The following XPO6 variants were observed in gnomAD, a reference collection of about 807,000 sequenced individuals.
The protein encoded by XPO6 is exportin-6.
Under a neutral mutation model 130.0 loss-of-function variants are expected in XPO6, and 3 were observed. The observed-to-expected ratio is 0.02, with a 90% CI of 0.01 to 0.06. The LOEUF is 0.06. XPO6 is among the 10% of genes least tolerant of loss of function. The probability of loss-of-function intolerance (pLI) is 1.00; values close to 1 mark genes in which losing one functional copy is unlikely to be tolerated. For missense variants in XPO6, 970 were observed against 1,393.0 expected (o/e 0.70, Z 4.83); for synonymous variants, 524 against 548.9 (o/e 0.95, Z 0.63).
At chr16:28,206,143 C>T (rs928546452) in intron 1 of XPO6, among the ~76,000 whole-genome samples, 4 of 148,464 alleles carry the variant, frequency 2.7e-5, no homozygotes, top group African/African-American at 1.0e-4. Flanking sequence ...AAGCAATACA[C>T]ACACACACAC....
chr16:28,155,863 C>T (rs1218447887), intron 7 of XPO6: 3 of 1,282,638 alleles, frequency 2.3e-6, no homozygotes, highest in East Asian at 5.7e-5. Context: ...CTACACAAGG[C>T]ACAAGCATTT....
chr16:28,146,316 T>TC, intron 8 of XPO6, 113 bp from the exon 9 acceptor site: 1 of 864,130 alleles, frequency 1.2e-6, no homozygotes, highest in Non-Finnish European at 1.8e-6. Context: ...AAGCCTAGAT[T>TC]CCCCAGTTTC....
chr16:28,145,738 C>T (rs1163941083), intron 9 of XPO6, among the ~76,000 whole-genome samples: 2 of 152,196 alleles, frequency 1.3e-5, no homozygotes, highest in East Asian at 3.8e-4. Flanking sequence ...TCTACAGGAA[C>T]CCACTTCCCT....
chr16:28,103,558 A>G (rs753511364), intron 21 of XPO6, among the ~76,000 whole-genome samples: 1 of 152,250 alleles, frequency 6.6e-6, no homozygotes, highest in Non-Finnish European at 1.5e-5. Flanking sequence ...AGAAACTGCC[A>G]AACTGTGAAA....
intron 1 of XPO6, among the ~76,000 whole-genome samples, chr16:28,196,780 G>A (rs1219078025): frequency 6.6e-6 from 1 of 152,098 alleles, no homozygotes. Flanking sequence ...GAAAGGGCCT[G>A]GCGCCTCTCC....
chr16:28,098,736 T>A, intron 23 of XPO6, 97 bp from the exon 24 acceptor site: 1 of 828,766 alleles, frequency 1.2e-6, no homozygotes, highest in African/African-American at 1.7e-5. Context: ...GCACTGAAGA[T>A]AGGGGAGCAC....
intron 17 of XPO6, 43 bp downstream of exon 17, chr16:28,111,774 G>C (rs1479389452): frequency 6.3e-7 from 1 of 1,599,840 alleles, no homozygotes; most frequent in Non-Finnish European, 8.5e-7. Flanking sequence ...AACAATGCCT[G>C]CCTACCTCCT....
chr16:28,154,777 A>C (rs1055008696), intron 7 of XPO6, among the ~76,000 whole-genome samples: 4 of 152,238 alleles, frequency 2.6e-5, no homozygotes, highest in Admixed American at 6.5e-5. Context: ...TAAAGTCAAA[A>C]CAACTGATAT....
chr16:28,099,220 C>A (rs1454314413), intron 23 of XPO6, among the ~76,000 whole-genome samples: 1 of 152,222 alleles, frequency 6.6e-6, no homozygotes, highest in African/African-American at 2.4e-5. Flanking sequence ...CTGGGCGCAG[C>A]GTGGGCCATG....
At chr16:28,125,143 G>A (rs991609492) in intron 13 of XPO6, among the ~76,000 whole-genome samples, 7 of 152,160 alleles carry the variant, frequency 4.6e-5, no homozygotes, top group African/African-American at 7.2e-5. Flanking sequence ...GAAAGGCTGG[G>A]AACCACCTTT....
intron 1 of XPO6, among the ~76,000 whole-genome samples, chr16:28,198,749 T>C (rs2141902740): frequency 6.6e-6 from 1 of 152,324 alleles, no homozygotes; most frequent in East Asian, 1.9e-4. Context: ...TTTTGTTGTT[T>C]GTTAGTAAGT....
At chr16:28,112,470 G>T (rs2086951147) in intron 16 of XPO6, among the ~76,000 whole-genome samples, 1 of 152,148 alleles carries the variant, frequency 6.6e-6, no homozygotes, top group Non-Finnish European at 1.5e-5. Flanking sequence ...CCTCCCTCCT[G>T]TTAGGTGGTT....
chr16:28,150,374 C>T (rs537453350), intron 8 of XPO6, among the ~76,000 whole-genome samples: 19 of 152,074 alleles, frequency 1.2e-4, no homozygotes, highest in African/African-American at 4.6e-4. Context: ...ATATATAAAA[C>T]CACCATTTTC....
chr16:28,155,966 G>A (rs372270531), intron 7 of XPO6, 108 bp downstream of exon 7: 2 of 1,472,066 alleles, frequency 1.4e-6, no homozygotes, highest in East Asian at 2.4e-5. Flanking sequence ...CTCACCAGGA[G>A]CCCCATATTC....
In XPO6 at chr16:28,156,605, A is replaced by T. The variant is rs190942456; in HGVS notation, c.644-78T>A. ...ACTTTAAGTAATTCTCCTTCAAAAA[A>T]ATATATATATATATGTATACATATA... is the stretch of plus-strand genomic sequence containing the variant. On this transcript the variant is annotated intron_variant, in intron 6 of 23. Transcript: ENST00000304658. The T allele has an allele frequency of 1.0e-3, 916 of 877,618 alleles. 3 individuals carry two copies. In the East Asian group the frequency reaches 0.012, roughly 12 times the overall value. The allele number at this position is 877,618 out of a possible 1,614,324, so 54.4% of individuals were successfully genotyped here.
rs1186354601 is a variant in XPO6, at chr16:28,132,603, C to T, written c.1537-200G>A. ...CAACTAGTTTCTATAATTGAAACCGCCAATTAATACACAGAATAAGAAAGA... is the reference window on the plus strand; with the variant it reads ...CAACTAGTTTCTATAATTGAAACCGTCAATTAATACACAGAATAAGAAAGA... On this transcript the variant is annotated intron_variant, in intron 11 of 23. Transcript: ENST00000304658. This position sits in a 1 kb window ranked among gnomAD's most constrained non-coding sequence, Gnocchi z 4.0. Among the ~76,000 whole-genome samples, 1 of 150,210 alleles carries T rather than the reference C, an allele frequency of 6.7e-6. No individual in the cohort carries two copies. Among genetic ancestry groups the T allele is most frequent in the Non-Finnish European group, 1.5e-5 (1 of 67,734 alleles).
intron 16 of XPO6, among the ~76,000 whole-genome samples, 192 bp from the exon 17 acceptor site, chr16:28,112,198 A>T (rs866543205): frequency 2.0e-5 from 3 of 152,326 alleles, no homozygotes; most frequent in Non-Finnish European, 2.9e-5. Flanking sequence ...ATGAAGTAAT[A>T]GCACCATGTC....
intron 5 of XPO6, chr16:28,166,937 T>C (rs1167828168): frequency 6.1e-6 from 4 of 653,598 alleles, no homozygotes; most frequent in Non-Finnish European, 7.6e-6. Context: ...TCTGAGCTGG[T>C]AGCACCACTC....
intron 6 of XPO6, among the ~76,000 whole-genome samples, chr16:28,163,768 G>A (rs745413658): frequency 4.6e-5 from 7 of 152,194 alleles, no homozygotes; most frequent in Non-Finnish European, 7.3e-5. Context: ...CAGAATTGGT[G>A]AGAACGACCA....
Sources: allele counts gnomAD v4.1 joint callset (sites outside exome capture counted in the v4.1 genomes callset), GRCh38; gene constraint gnomAD v4.1.1; non-coding constraint Gnocchi (gnomAD v3.1); transcripts MANE v1.5; gene names NCBI Gene and HGNC (gene_info 2026-07-23, HGNC 2026-07-21).